The following FLNB variants were observed in gnomAD, a reference collection of about 807,000 sequenced individuals.
FLNB encodes the protein filamin B.
A neutral mutation model predicts 250.6 loss-of-function variants in FLNB; 111 were observed. The observed-to-expected ratio is 0.44, with a 90% CI of 0.38 to 0.52. The LOEUF (loss-of-function observed/expected upper bound fraction) is 0.52. FLNB is among the 20% of genes least tolerant of loss of function. The pLI, the probability that FLNB is intolerant of heterozygous loss-of-function variation, is 0.00. For synonymous variants in FLNB, 1,302 were observed against 1,372.1 expected (o/e 0.95, Z 1.13); for missense variants, 2,869 against 3,447.8 (o/e 0.83, Z 4.20).
chr3:58,114,336 A>G (rs2097274237), intron 18 of FLNB, among the ~76,000 whole-genome samples: 1 of 152,166 alleles, frequency 6.6e-6, no homozygotes, highest in Non-Finnish European at 1.5e-5. Flanking sequence ...GGGTTTCACC[A>G]TGTTGGCCAG....
At chr3:58,153,699 T>G (rs1211195007) in intron 39 of FLNB, 58 bp downstream of exon 39, 2 of 1,598,320 alleles carry the variant, frequency 1.3e-6, no homozygotes, top group East Asian at 4.5e-5. Context: ...CCAGGCAGTG[T>G]GGGCACCCAC....
intron 41 of FLNB, among the ~76,000 whole-genome samples, chr3:58,158,857 G>A (rs1348899864): frequency 2.6e-5 from 4 of 152,126 alleles, no homozygotes; most frequent in Admixed American, 6.5e-5. Context: ...ATAAGCTGAC[G>A]TTTTCGAGCC....
At position 58,138,389 on chromosome 3, in the gene FLNB, G is replaced by A; in HGVS notation, c.4969G>A (p.Gly1657Ser). The stretch of plus-strand genomic sequence containing the variant: ...GACCTGCACGGTTCTGACCCCAGAT[G>A]GCACTGAGGCCGAGGCCGATGTCAT... Reference protein sequence around the residue: ...KVTCTVLTPDGTEAEADVIEN... With the variant: ...KVTCTVLTPDSTEAEADVIEN... Residue 1657 changes from glycine to serine, a missense_variant, in exon 29 of 46, where the codon GGC (glycine) becomes AGC (serine). Physicochemically the swap from Gly to Ser is moderately conservative, Grantham distance 56. Coordinates refer to ENST00000295956, the MANE Select transcript of FLNB (RefSeq NM_001457.4). The A allele has an allele frequency of 6.2e-7, 1 of 1,614,228 alleles. No individual in the cohort carries two copies. The highest frequency in any genetic ancestry group is 8.5e-7 in the Non-Finnish European group (1 of 1,180,048).
rs1275942130 is a variant in FLNB, at chr3:58,148,706, G to A, written c.5945G>A (p.Gly1982Asp). Residue 1982 changes from glycine to aspartate, a missense_variant, in exon 36 of 46, where the codon GGC (glycine) becomes GAC (aspartate). Physicochemically the swap from Gly to Asp is moderately conservative, Grantham distance 94. This residue lies in a region of FLNB where 1,084 missense variants were observed against 1,315.5 expected (regional missense o/e 0.82). Coordinates refer to ENST00000295956, the MANE Select transcript of FLNB (RefSeq NM_001457.4). ...CATCTGGTCAGCATCAAGAAAAATG[G>A]CAACCATGTGGCCAACAGCCCCGTG... ...GEHLVSIKKN[G>D]NHVANSPVSI... 5 of 1,613,958 alleles carry A rather than the reference G, an allele frequency of 3.1e-6. No homozygotes were observed. Among genetic ancestry groups the A allele is most frequent in the Non-Finnish European group, 4.2e-6 (5 of 1,180,022 alleles).
chr3:58,048,549 C>G (rs779671719), intron 1 of FLNB, among the ~76,000 whole-genome samples: 1 of 152,218 alleles, frequency 6.6e-6, no homozygotes, highest in Non-Finnish European at 1.5e-5. Context: ...CTCACAATCT[C>G]AGTTTGTCCT....
intron 10 of FLNB, 114 bp downstream of exon 10, chr3:58,104,199 T>A: frequency 2.9e-4 from 30 of 103,190 alleles, no homozygotes; most frequent in Non-Finnish European, 4.8e-4. Context: ...TGTTGAAAAC[T>A]TTTTTTTTTT....
chr3:58,008,558 C>T lies in FLNB; in HGVS notation c.-7C>T. On this transcript the variant is annotated 5_prime_UTR_variant, in exon 1 of 46. Transcript: ENST00000295956. ...TCGTTGCGCATTGCGCTCTCCCCGC[C>T]ACCAGGATGCCGGTAACCGAGAAGG... The T allele has an allele frequency of 6.3e-7, 1 of 1,582,942 alleles. No individual in the cohort carries two copies. The highest frequency in any genetic ancestry group is 8.6e-7 in the Non-Finnish European group (1 of 1,165,504).
At chr3:58,077,334 G>A in intron 2 of FLNB, 40 bp downstream of exon 2, 1 of 1,606,472 alleles carries the variant, frequency 6.2e-7, no homozygotes, top group Non-Finnish European at 8.5e-7. Flanking sequence ...GTCCAGGATG[G>A]GGGTGTGTGG....
intron 1 of FLNB, among the ~76,000 whole-genome samples, chr3:58,051,193 T>C (rs1044461225): frequency 6.6e-6 from 1 of 152,248 alleles, no homozygotes; most frequent in African/African-American, 2.4e-5. Context: ...TCTAACACCC[T>C]TCTGCTTCCT....
In FLNB at chr3:58,111,945, A is replaced by T. The variant is rs1191479154; in HGVS notation, c.2575+64A>T. 1.4e-5 allele frequency: 20 copies of T among 1,390,940 alleles called. No individual in the cohort carries two copies. The Admixed American group carries it at 3.4e-4, about 23-fold the overall frequency. The allele number at this position is 1,390,940 out of a possible 1,614,324, so 86.2% of individuals were successfully genotyped here. ...CAGCCGGTGGCACTGGGCGTGTTTCATCCACGGCCTTGAGGAACTTCATCT... is the reference window on the plus strand; with the variant it reads ...CAGCCGGTGGCACTGGGCGTGTTTCTTCCACGGCCTTGAGGAACTTCATCT... On this transcript the variant is annotated intron_variant, in intron 17 of 45. Coordinates refer to ENST00000295956, the MANE Select transcript of FLNB (RefSeq NM_001457.4).
rs375868902 is a variant in FLNB, at chr3:58,138,269, A to C, written c.4862-13A>C. 5.6e-6 allele frequency: 9 copies of C among 1,613,200 alleles called. No homozygotes were observed. In the African/African-American group the frequency reaches 1.1e-4, roughly 19 times the overall value. On this transcript the variant is annotated splice_polypyrimidine_tract_variant and intron_variant, in intron 28 of 45. Transcript: ENST00000295956. ...TCCATACTTCCATTCTCTTCCCCTG[A>C]ACTCTTCTCCAGGTCCTGGAATCGC...
At chr3:58,009,103 G>T (rs530756756) in intron 1 of FLNB, among the ~76,000 whole-genome samples, 1 of 152,332 alleles carries the variant, frequency 6.6e-6, no homozygotes, top group South Asian at 2.1e-4. Context: ...AAGGGTTGAG[G>T]GTTTGGGCTG....
chr3:58,090,294 A>G (rs997468033), intron 4 of FLNB, among the ~76,000 whole-genome samples: 3 of 152,176 alleles, frequency 2.0e-5, no homozygotes, highest in Non-Finnish European at 2.9e-5. Flanking sequence ...GCCGTCTCCT[A>G]TAATAACAAT....
chr3:58,008,973 A>C lies in FLNB; in HGVS notation c.292+117A>C, dbSNP rs1286466462. Reference sequence around the variant, plus strand: ...CGCCCCCACCTCGGAGATAAGGGGGAGTCGTCCCCAGGGGTGGGTTATAGG... The same window carrying C: ...CGCCCCCACCTCGGAGATAAGGGGGCGTCGTCCCCAGGGGTGGGTTATAGG... On this transcript the variant is annotated intron_variant, in intron 1 of 45. Coordinates refer to ENST00000295956, the MANE Select transcript of FLNB (RefSeq NM_001457.4). 2.4e-6 allele frequency: 3 copies of C among 1,259,740 alleles called. No individual in the cohort carries two copies. The African/African-American group carries it at 4.4e-5, about 19-fold the overall frequency. 78.0% of individuals were successfully genotyped at this position (1,259,740 alleles called of 1,614,324 possible).
At chr3:58,128,533 A>G (rs1202580431) in intron 24 of FLNB, among the ~76,000 whole-genome samples, 1 of 152,152 alleles carries the variant, frequency 6.6e-6, no homozygotes, top group African/African-American at 2.4e-5. Flanking sequence ...AAGAATGAGA[A>G]TGGGGCTCGG....
At chr3:58,028,080 TA>T (rs2097125880) in intron 1 of FLNB, among the ~76,000 whole-genome samples, 1 of 152,204 alleles carries the variant, frequency 6.6e-6, no homozygotes. Context: ...GGGAAGAGAA[TA>T]ACGTCTTTTT....
At chr3:58,054,413 G>A (rs372062354) in intron 1 of FLNB, among the ~76,000 whole-genome samples, 1 of 152,194 alleles carries the variant, frequency 6.6e-6, no homozygotes, top group East Asian at 1.9e-4. Flanking sequence ...GTATTAGTCC[G>A]TTCTCAACAC....
intron 1 of FLNB, among the ~76,000 whole-genome samples, chr3:58,034,839 G>A (rs1252411356): frequency 6.6e-6 from 1 of 152,090 alleles, no homozygotes; most frequent in East Asian, 1.9e-4. Context: ...TCCCAGGCCC[G>A]CAGCCACACC....
At chr3:58,133,443 A>AGG (rs1559718757) in intron 26 of FLNB, among the ~76,000 whole-genome samples, 13 of 136,178 alleles carry the variant, frequency 9.5e-5, no homozygotes, top group Middle Eastern at 3.6e-3. Flanking sequence ...TCTGGAAAAA[A>AGG]AAAAAAAAAA....
Sources: allele counts gnomAD v4.1 joint callset (sites outside exome capture counted in the v4.1 genomes callset), GRCh38; gene constraint gnomAD v4.1.1; regional missense constraint gnomAD v4.1.1; transcripts MANE v1.5; gene names NCBI Gene and HGNC (gene_info 2026-07-23, HGNC 2026-07-21).